The following INTU variants were observed in gnomAD, a reference collection of about 807,000 sequenced individuals.
The protein encoded by INTU is inturned planar cell polarity protein, also known as protein inturned.
In INTU, 68 loss-of-function variants were observed where a neutral mutation model predicts 100.5. The observed-to-expected ratio is 0.68, with a 90% confidence interval of 0.56 to 0.83. The LOEUF (loss-of-function observed/expected upper bound fraction) is 0.83, where lower values mean the gene tolerates loss of function less well. INTU is among the 40% of genes least tolerant of loss of function. The pLI is 0.00. For synonymous variants in INTU, 357 were observed against 395.7 expected, an observed-to-expected ratio of 0.90 and a Z score of 1.16; for missense variants, 1,071 against 1,114.7, an observed-to-expected ratio of 0.96 and a Z score of 0.56.
Position 127,653,052 on chromosome 4 carries a change from G to C in INTU, c.683-3584G>C, listed in dbSNP as rs549335294. Among the ~76,000 whole-genome samples the C allele has an allele frequency of 1.3e-4, 19 of 151,838 alleles. No homozygotes were observed. In the East Asian group the frequency reaches 3.5e-3, roughly 28 times the overall value. The stretch of plus-strand genomic sequence containing the variant: ...CTCTGATGGTAGTTTGTATTTCTGT[G>C]GAATCGGTGGTGATATCTCCTTTAT... On this transcript the variant is annotated intron_variant, in intron 2 of 15. Coordinates refer to ENST00000335251, the MANE Select transcript of INTU (RefSeq NM_015693.4).
intron 9 of INTU, among the ~76,000 whole-genome samples, chr4:127,700,464 C>T (rs555344378): frequency 3.3e-5 from 5 of 152,280 alleles, no homozygotes; most frequent in East Asian, 1.9e-4. Flanking sequence ...TAGTGACCAT[C>T]GCAGTAGCGA....
intron 5 of INTU, among the ~76,000 whole-genome samples, chr4:127,672,467 C>T (rs1578576015): frequency 4.3e-5 from 5 of 115,236 alleles, no homozygotes; most frequent in South Asian, 2.8e-4. Flanking sequence ...TGCGGTGTTG[C>T]TTTTTTTTTT....
intron 7 of INTU, chr4:127,687,249 G>A (rs1466597804): frequency 6.6e-6 from 1 of 152,376 alleles, no homozygotes; most frequent in African/African-American, 2.4e-5. Context: ...TACCTAGAAA[G>A]AGCTGTGATA....
intron 5 of INTU, among the ~76,000 whole-genome samples, chr4:127,672,799 A>G (rs905916368): frequency 1.3e-5 from 2 of 152,154 alleles, no homozygotes; most frequent in African/African-American, 4.8e-5. Context: ...TTTATAATTT[A>G]TATTTTAAAT....
chr4:127,684,423 G>A lies in INTU; in HGVS notation c.1196G>A (p.Arg399His), dbSNP rs773031563. The change falls in exon 7 of 16, where the codon CGT becomes CAT. Residue 399 changes from arginine to histidine, a missense_variant. By Grantham distance (29) the Arg-to-His change is conservative. Transcript: ENST00000335251. ...GLPAEEVPLP[R>H]LRNMIENVIQ... Reference sequence around the variant, plus strand: ...TGCTTTTTTAGAGTTCCTCTTCCTCGTCTAAGGAACATGATAGAAAATGTC... The same window carrying A: ...TGCTTTTTTAGAGTTCCTCTTCCTCATCTAAGGAACATGATAGAAAATGTC... 1.6e-5 allele frequency: 25 copies of A among 1,598,260 alleles called. No individual in the cohort carries two copies. Among genetic ancestry groups the A allele is most frequent in the Admixed American group, 6.9e-5 (4 of 58,074 alleles).
chr4:127,696,665 A>T (rs1048544653), intron 8 of INTU, among the ~76,000 whole-genome samples: 10 of 150,224 alleles, frequency 6.7e-5, no homozygotes, highest in African/African-American at 2.2e-4. Context: ...CGGCTTTCCT[A>T]TTTTCAGTGT....
Position 127,726,061 on chromosome 4 carries a change from T to A in INTU, c.*9625T>A, listed in dbSNP as rs907367027. Reference sequence around the variant, plus strand: ...CAACAACTATTAATGTGAAAAACTATATATAGCTAGCATTTTTTAAAATAT... The same window carrying A: ...CAACAACTATTAATGTGAAAAACTAAATATAGCTAGCATTTTTTAAAATAT... On this transcript the variant is annotated 3_prime_UTR_variant, in exon 16 of 16. Transcript: ENST00000335251. 2 of 152,216 alleles carry A rather than the reference T, an allele frequency of 1.3e-5. No homozygotes were observed. Among genetic ancestry groups the A allele is most frequent in the African/African-American group, 4.8e-5 (2 of 41,456 alleles). The allele number at this position is 152,216 out of a possible 1,614,324, so 9.4% of individuals were successfully genotyped here.
intron 2 of INTU, among the ~76,000 whole-genome samples, chr4:127,655,961 A>G (rs986666668): frequency 3.9e-5 from 6 of 152,120 alleles, no homozygotes; most frequent in Non-Finnish European, 8.8e-5. Flanking sequence ...AAAGCGCAAT[A>G]TTCGGGTGGG....
chr4:127,682,443 T>C (rs1729615447), intron 6 of INTU, among the ~76,000 whole-genome samples: 1 of 152,154 alleles, frequency 6.6e-6, no homozygotes, highest in Admixed American at 6.5e-5. Flanking sequence ...GATGAGTTCA[T>C]GTCCTTTGTA....
intron 9 of INTU, among the ~76,000 whole-genome samples, chr4:127,703,113 TA>T (rs1730720435): frequency 6.6e-6 from 1 of 152,212 alleles, no homozygotes; most frequent in Non-Finnish European, 1.5e-5. Flanking sequence ...TGTCTGGCTT[TA>T]ACTTAGCATA....
chr4:127,643,322 A>C (rs563081765), intron 1 of INTU, among the ~76,000 whole-genome samples, 199 bp from the exon 2 acceptor site: 1 of 152,078 alleles, frequency 6.6e-6, no homozygotes, highest in African/African-American at 2.4e-5. Flanking sequence ...AAAGCTCTAC[A>C]AAAAAAGCAT....
At chr4:127,688,013 G>A in intron 8 of INTU, 146 bp downstream of exon 8, 1 of 493,250 alleles carries the variant, frequency 2.0e-6, no homozygotes, top group Non-Finnish European at 3.5e-6. Flanking sequence ...AGGAGGTCCA[G>A]TGCAATAAAC....
chr4:127,644,349 G>T (rs1727474159), intron 2 of INTU, among the ~76,000 whole-genome samples: 1 of 152,024 alleles, frequency 6.6e-6, no homozygotes, highest in Admixed American at 6.6e-5. Context: ...GGTTATATTT[G>T]CTGACAAGAA....
In INTU at chr4:127,705,652, G is replaced by A. The variant is rs34027211; in HGVS notation, c.1628G>A (p.Arg543His). Residue 543 changes from arginine (R) to histidine (H), a missense_variant, in exon 11 of 16, where the codon CGC becomes CAC. Arg to His is a conservative substitution (Grantham distance 29). Transcript: ENST00000335251. ...CTTATTGATATTGCCGTATACTGTC[G>A]CCACTATTGCCTGCTGCCTTTAGCA... is the stretch of plus-strand genomic sequence containing the variant. ...DDLIDIAVYC[R>H]HYCLLPLAAK... is the part of the protein sequence containing the mutation. 6.1e-5 allele frequency: 99 copies of A among 1,613,886 alleles called. No homozygotes were observed. In the African/African-American group the frequency reaches 1.0e-3, roughly 17 times the overall value.
intron 6 of INTU, among the ~76,000 whole-genome samples, chr4:127,678,124 A>G (rs954616733): frequency 2.2e-4 from 33 of 152,244 alleles, no homozygotes; most frequent in African/African-American, 7.5e-4. Context: ...TCTACGTCTG[A>G]TTGGTGTACC....
intron 2 of INTU, among the ~76,000 whole-genome samples, chr4:127,651,826 C>T (rs964980216): frequency 1.1e-4 from 17 of 151,374 alleles, no homozygotes; most frequent in East Asian, 7.7e-4. Context: ...GCCATTTTCA[C>T]GATATTGATT....
intron 6 of INTU, among the ~76,000 whole-genome samples, chr4:127,679,949 A>C (rs1416145244): frequency 6.6e-6 from 1 of 152,234 alleles, no homozygotes; most frequent in Non-Finnish European, 1.5e-5. Flanking sequence ...AGAATTACAA[A>C]CTACCGTCAG....
intron 3 of INTU, among the ~76,000 whole-genome samples, chr4:127,661,479 C>T (rs1456904484): frequency 6.6e-6 from 1 of 152,108 alleles, no homozygotes; most frequent in African/African-American, 2.4e-5. Flanking sequence ...TTCTTGTCAC[C>T]ACTTCTTATG....
chr4:127,671,988 T>C (rs555131034), intron 5 of INTU, among the ~76,000 whole-genome samples: 1 of 152,038 alleles, frequency 6.6e-6, no homozygotes, highest in South Asian at 2.1e-4. Flanking sequence ...ATAACAGACA[T>C]TGGAGCTTTT....
Sources: allele counts gnomAD v4.1 joint callset (sites outside exome capture counted in the v4.1 genomes callset), GRCh38; gene constraint gnomAD v4.1.1; transcripts MANE v1.5; gene names NCBI Gene and HGNC (gene_info 2026-07-23, HGNC 2026-07-21).